The following RTL4 variants were observed in gnomAD, a reference collection of about 807,000 sequenced individuals.
The protein encoded by RTL4 is retrotransposon Gag like 4.
Under a neutral mutation model 5.3 loss-of-function variants are expected in RTL4, and 4 were observed. The ratio of observed to expected loss-of-function variants is 0.75; its 90% confidence interval spans 0.37 to 1.72. The LOEUF (loss-of-function observed/expected upper bound fraction) is 1.72, where lower values mean the gene tolerates loss of function less well. Among genes scored for constraint, RTL4 ranks in the 40% most tolerant of loss-of-function variants. RTL4 has a pLI of 0.04. For missense variants in RTL4, 260 were observed against 227.1 expected (o/e 1.14, Z -0.93); for synonymous variants, 98 against 87.3 (o/e 1.12, Z -0.68).
the RTL4 span, among the ~76,000 whole-genome samples, chrX:112,305,965 C>A: frequency 4.5e-5 from 5 of 111,493 alleles, no homozygotes; most frequent in Non-Finnish European, 9.4e-5. Flanking sequence ...CCTGGAGTAG[C>A]CCGTCCCTTC....
chrX:112,445,805 T>G, the RTL4 span, among the ~76,000 whole-genome samples: 5 of 111,991 alleles, frequency 4.5e-5, no homozygotes, highest in Non-Finnish European at 7.5e-5. Context: ...CAATAAAAAT[T>G]TATTATATAA....
chrX:112,174,309 T>C, the RTL4 span, among the ~76,000 whole-genome samples: 28 of 93,683 alleles, frequency 3.0e-4, no homozygotes, highest in African/African-American at 1.1e-3. Context: ...TCAATTCCCA[T>C]CTATGAGTGA....
the RTL4 span, among the ~76,000 whole-genome samples, chrX:112,419,326 C>T: frequency 1.4e-5 from 1 of 70,706 alleles, no homozygotes; most frequent in African/African-American, 5.6e-5. Flanking sequence ...ATCTCTGGAG[C>T]TTCCATTCAG....
the RTL4 span, among the ~76,000 whole-genome samples, chrX:112,234,365 A>C: frequency 9.0e-6 from 1 of 111,316 alleles, no homozygotes; most frequent in African/African-American, 3.3e-5. Flanking sequence ...CTGCACAAGT[A>C]GGATATGGTC....
the RTL4 span, among the ~76,000 whole-genome samples, chrX:112,129,699 A>G: frequency 9.8e-3 from 1,100 of 111,991 alleles, 2 homozygotes; most frequent in Non-Finnish European, 0.014. Flanking sequence ...GAAACAAAGA[A>G]CTAAAGCTGA....
the RTL4 span, among the ~76,000 whole-genome samples, chrX:112,436,887 G>T: frequency 1.8e-5 from 2 of 111,591 alleles, no homozygotes; most frequent in South Asian, 7.6e-4. Context: ...AGGAGCCTCA[G>T]TGGCAGTCAC....
the RTL4 span, among the ~76,000 whole-genome samples, chrX:112,226,447 A>C: frequency 8.9e-6 from 1 of 111,956 alleles, no homozygotes; most frequent in African/African-American, 3.2e-5. Flanking sequence ...AAGCAGATTT[A>C]CTCTTCTTAA....
the RTL4 span, among the ~76,000 whole-genome samples, chrX:112,311,456 A>G: frequency 9.0e-6 from 1 of 110,621 alleles, no homozygotes; most frequent in Middle Eastern, 4.6e-3. Context: ...TAAGGATGAG[A>G]GCACTGGACA....
chrX:112,190,168 CT>C, the RTL4 span, among the ~76,000 whole-genome samples: 2 of 90,475 alleles, frequency 2.2e-5, no homozygotes, highest in African/African-American at 8.4e-5. Context: ...TTCTTTCTTT[CT>C]TTCTTTCTTT....
chrX:112,114,108 C>T, the RTL4 span, among the ~76,000 whole-genome samples: 1 of 111,702 alleles, frequency 9.0e-6, no homozygotes, highest in East Asian at 2.8e-4. Context: ...GTGTATTTTT[C>T]TAAGGCCTTC....
chrX:112,118,941 G>A, the RTL4 span, among the ~76,000 whole-genome samples: 51 of 110,116 alleles, frequency 4.6e-4, no homozygotes, highest in African/African-American at 1.1e-3. Flanking sequence ...CTGGAGTGCA[G>A]TTGTGCAATC....
the RTL4 span, among the ~76,000 whole-genome samples, chrX:112,308,733 T>C: frequency 9.0e-6 from 1 of 111,614 alleles, no homozygotes; most frequent in African/African-American, 3.3e-5. Flanking sequence ...TGTACATTGA[T>C]TGCTTGTTCT....
chrX:112,325,779 A>G, the RTL4 span, among the ~76,000 whole-genome samples: 4 of 112,744 alleles, frequency 3.5e-5, no homozygotes, highest in Non-Finnish European at 7.5e-5. Context: ...AGCAATGGCA[A>G]CAAAAGCCAA....
the RTL4 span, among the ~76,000 whole-genome samples, chrX:112,137,955 T>C: frequency 8.9e-6 from 1 of 112,056 alleles, no homozygotes; most frequent in African/African-American, 3.2e-5. Flanking sequence ...GCCATGTTCA[T>C]TGTAGCATTG....
the RTL4 span, among the ~76,000 whole-genome samples, chrX:112,241,009 T>C: frequency 9.0e-6 from 1 of 111,565 alleles, no homozygotes; most frequent in Non-Finnish European, 1.9e-5. Context: ...CATCATTTTT[T>C]ATGGCTGCAT....
At chrX:112,232,595 C>T in the RTL4 span, among the ~76,000 whole-genome samples, 1 of 111,715 alleles carries the variant, frequency 9.0e-6, no homozygotes, top group African/African-American at 3.3e-5. Context: ...GCAGGTATCT[C>T]CCTGGGATCT....
chrX:112,175,492 A>G, the RTL4 span, among the ~76,000 whole-genome samples: 2 of 109,223 alleles, frequency 1.8e-5, no homozygotes, highest in Admixed American at 9.9e-5. Flanking sequence ...GCCTTGTAGT[A>G]TAGTTTGAAG....
At chrX:112,383,327 A>G in the RTL4 span, among the ~76,000 whole-genome samples, 2 of 111,702 alleles carry the variant, frequency 1.8e-5, no homozygotes, top group Non-Finnish European at 3.8e-5. Context: ...TGGGTCCTCT[A>G]TGGGAAAATA....
At chrX:112,113,541 A>C in the RTL4 span, among the ~76,000 whole-genome samples, 1 of 110,993 alleles carries the variant, frequency 9.0e-6, no homozygotes, top group African/African-American at 3.3e-5. Context: ...TCCAGGGGGA[A>C]GTCAATTTCC....
Sources: gnomAD v4.1 joint callset for allele counts (sites outside exome capture counted in the v4.1 genomes callset) on GRCh38, gnomAD v4.1.1 for gene constraint, MANE v1.5 for transcripts, NCBI Gene and HGNC (gene_info 2026-07-23, HGNC 2026-07-21) for gene names.